PCDHA4: variants seen among roughly 807,000 people sequenced by gnomAD.
The protein encoded by PCDHA4 is protocadherin alpha-4.
PCDHA4 carries 49 observed loss-of-function variants against 61.4 expected under a neutral mutation model. The observed-to-expected ratio is 0.80, with a 90% CI of 0.63 to 1.01. PCDHA4 has a LOEUF of 1.01. Ranked by LOEUF, PCDHA4 falls within the 50% of genes least tolerant of loss-of-function variation. The pLI is 0.00. For synonymous variants in PCDHA4, 590 were observed against 550.3 expected (o/e 1.07, Z -1.01); for missense variants, 1,254 against 1,235.8 (o/e 1.01, Z -0.22).
intron 1 of PCDHA4, among the ~76,000 whole-genome samples, chr5:140,956,797 G>T (rs1224324866): frequency 6.6e-6 from 1 of 152,040 alleles, no homozygotes; most frequent in Non-Finnish European, 1.5e-5. Flanking sequence ...TGCTTGGTGG[G>T]CTATTTATTA....
Position 140,843,706 on chromosome 5 carries a change from T to C in PCDHA4, c.2385+34134T>C, listed in dbSNP as rs147955219. 3.2e-6 allele frequency: 5 copies of C among 1,580,440 alleles called. No homozygotes were observed. In the East Asian group the frequency reaches 1.1e-4, roughly 35 times the overall value. On this transcript the variant is annotated intron_variant, in intron 1 of 3. Transcript: ENST00000530339. ...AAGAGCAAGATTTAAATGTTGATCA[T>C]GGCCTCAAAGTAAGTCCATTTAAAT...
intron 1 of PCDHA4, among the ~76,000 whole-genome samples, chr5:140,839,137 C>T (rs1175514541): frequency 6.8e-6 from 1 of 146,496 alleles, no homozygotes; most frequent in Non-Finnish European, 1.5e-5. Context: ...TTCACATAAG[C>T]AGACCAAGTT....
intron 3 of PCDHA4, among the ~76,000 whole-genome samples, chr5:141,005,617 G>C (rs1419951778): frequency 6.7e-6 from 1 of 149,280 alleles, no homozygotes; most frequent in Non-Finnish European, 1.5e-5. Context: ...CAGGAGAATG[G>C]CGTGAACCCG....
intron 1 of PCDHA4, chr5:140,884,516 T>C: frequency 6.2e-7 from 1 of 1,613,960 alleles, no homozygotes; most frequent in South Asian, 1.1e-5. Context: ...GAGTTGGTCG[T>C]ACTCGCAGCA....
chr5:140,871,301 C>T lies in PCDHA4; in HGVS notation c.2385+61729C>T, dbSNP rs781904724. 1.9e-6 allele frequency: 3 copies of T among 1,613,800 alleles called. No individual in the cohort carries two copies. In the African/African-American group the frequency reaches 4.0e-5, roughly 22 times the overall value. ...ACGCCCACTGAGGGCGCGTGCGCGC[C>T]GGGGAAGCCCACGCTGGTGTGCTCC... is the stretch of plus-strand genomic sequence containing the variant. On this transcript the variant is annotated intron_variant, in intron 1 of 3. Coordinates refer to ENST00000530339, the MANE Select transcript of PCDHA4 (RefSeq NM_018907.4).
At chr5:140,910,137 T>A (rs2074898699) in intron 1 of PCDHA4, among the ~76,000 whole-genome samples, 1 of 152,232 alleles carries the variant, frequency 6.6e-6, no homozygotes, top group Non-Finnish European at 1.5e-5. Flanking sequence ...CTGGTTTAAG[T>A]CTGGAAATTG....
At chr5:140,925,941 G>A (rs1311329302) in intron 1 of PCDHA4, among the ~76,000 whole-genome samples, 2 of 138,504 alleles carry the variant, frequency 1.4e-5, no homozygotes, top group South Asian at 2.1e-4. Flanking sequence ...GAGCCTCTTG[G>A]AGAAGGAGAA....
chr5:140,926,723 C>G (rs1224901751), intron 1 of PCDHA4: 1 of 1,034,598 alleles, frequency 9.7e-7, no homozygotes, highest in Non-Finnish European at 1.3e-6. Flanking sequence ...CCGGCAATGC[C>G]GGCGTTCGGG....
At chr5:140,823,734 T>G (rs2150128605) in intron 1 of PCDHA4, 2 of 1,613,778 alleles carry the variant, frequency 1.2e-6, no homozygotes. Flanking sequence ...TGAAGGACCA[T>G]GGAGAGCCCC....
chr5:140,931,319 T>A (rs1237988294), intron 1 of PCDHA4, among the ~76,000 whole-genome samples: 3 of 152,086 alleles, frequency 2.0e-5, no homozygotes, highest in Non-Finnish European at 4.4e-5. Flanking sequence ...ATACCAGTAA[T>A]GGCTGTAAAG....
In PCDHA4 at chr5:140,936,286, A is replaced by G. The variant is rs73266055; in HGVS notation, c.2386-42663A>G. Among the ~76,000 whole-genome samples the G allele has an allele frequency of 3.3e-3, 501 of 152,358 alleles. 2 individuals are homozygous for G. The highest frequency in any genetic ancestry group is 0.012 in the African/African-American group (482 of 41,580). On this transcript the variant is annotated intron_variant, in intron 1 of 3. Transcript: ENST00000530339. ...AAGATATATTCCTGTGTTTTCTTCT[A>G]TAACATTGCTATCCAATAGAACTTT...
At chr5:140,831,922 C>T (rs186638851) in intron 1 of PCDHA4, among the ~76,000 whole-genome samples, 62 of 152,254 alleles carry the variant, frequency 4.1e-4, no homozygotes, top group Middle Eastern at 3.4e-3. Flanking sequence ...AAAAAATTTG[C>T]TACTAGTTTT....
intron 1 of PCDHA4, chr5:140,883,598 G>T (rs782009650): frequency 1.2e-6 from 2 of 1,614,008 alleles, no homozygotes; most frequent in Middle Eastern, 1.7e-4. Flanking sequence ...CGTGTCGGTG[G>T]GGGTGGCCGA....
intron 1 of PCDHA4, among the ~76,000 whole-genome samples, chr5:140,937,309 T>G (rs1210222120): frequency 6.6e-6 from 1 of 152,102 alleles, no homozygotes; most frequent in African/African-American, 2.4e-5. Flanking sequence ...AGTGCTGGGA[T>G]TACAGGCGTG....
At chr5:140,824,128 G>A (rs1554129741) in intron 1 of PCDHA4, 54 of 1,612,826 alleles carry the variant, frequency 3.3e-5, no homozygotes, top group Non-Finnish European at 4.3e-5. Context: ...TACAGACAAC[G>A]TGAGTTTTCT....
chr5:140,830,293 G>A (rs2150184620), intron 1 of PCDHA4: 3 of 1,613,856 alleles, frequency 1.9e-6, no homozygotes, highest in Non-Finnish European at 2.5e-6. Flanking sequence ...CGTGCACGGC[G>A]GACAAGCCCA....
At chr5:140,900,014 T>C (rs1002415971) in intron 1 of PCDHA4, among the ~76,000 whole-genome samples, 1 of 152,032 alleles carries the variant, frequency 6.6e-6, no homozygotes, top group African/African-American at 2.4e-5. Flanking sequence ...CTCACTTTGT[T>C]ACCCAGTTTG....
chr5:140,933,695 G>A lies in PCDHA4; in HGVS notation c.2386-45254G>A, dbSNP rs575994908. On this transcript the variant is annotated intron_variant, in intron 1 of 3. Coordinates refer to ENST00000530339, the MANE Select transcript of PCDHA4 (RefSeq NM_018907.4). ...TCTCACATTTTTTTTCCTATTCCTCGGACACATTTACTGAGATTGGTGATA... is the reference window on the plus strand; with the variant it reads ...TCTCACATTTTTTTTCCTATTCCTCAGACACATTTACTGAGATTGGTGATA... Among the ~76,000 whole-genome samples the A allele has an allele frequency of 1.8e-4, 27 of 151,494 alleles. 1 individual carries two copies. The South Asian group carries it at 3.7e-3, about 21-fold the overall frequency.
At chr5:140,955,460 C>G (rs1051253944) in intron 1 of PCDHA4, among the ~76,000 whole-genome samples, 2 of 152,000 alleles carry the variant, frequency 1.3e-5, no homozygotes, top group Non-Finnish European at 2.9e-5. Flanking sequence ...GGGCTTTTTC[C>G]TTTTTGCTTG....
Sources: gnomAD v4.1 joint callset for allele counts (sites outside exome capture counted in the v4.1 genomes callset) on GRCh38, gnomAD v4.1.1 for gene constraint, MANE v1.5 for transcripts, NCBI Gene and HGNC (gene_info 2026-07-23, HGNC 2026-07-21) for gene names.